Variants in CDH18 observed in about 807,000 individuals in gnomAD.
The protein encoded by CDH18 is cadherin 18.
Under a neutral mutation model 67.9 loss-of-function variants are expected in CDH18, and 31 were observed. The observed-to-expected ratio is 0.46, with a 90% CI of 0.34 to 0.62. The LOEUF (loss-of-function observed/expected upper bound fraction) is 0.62, where lower values mean the gene tolerates loss of function less well. Ranked by LOEUF, CDH18 falls within the 20% of genes least tolerant of loss-of-function variation. The probability of loss-of-function intolerance (pLI) is 0.01; values close to 1 mark genes in which losing one functional copy is unlikely to be tolerated. For synonymous variants in CDH18, 362 were observed against 347.2 expected, an observed-to-expected ratio of 1.04 and a Z score of -0.48; for missense variants, 890 against 975.5, an observed-to-expected ratio of 0.91 and a Z score of 1.17.
intron 2 of CDH18, among the ~76,000 whole-genome samples, chr5:19,926,134 A>G (rs999291092): frequency 6.6e-6 from 1 of 152,096 alleles, no homozygotes; most frequent in African/African-American, 2.4e-5. Context: ...TGTTCCATGT[A>G]TTTATTGAAA....
At chr5:20,123,389 G>A (rs1294372393) in intron 2 of CDH18, among the ~76,000 whole-genome samples, 1 of 152,150 alleles carries the variant, frequency 6.6e-6, no homozygotes, top group African/African-American at 2.4e-5. Flanking sequence ...AGGCAGGCCT[G>A]TACGTGAGGG....
chr5:20,243,165 T>C (rs1319217534), intron 2 of CDH18, among the ~76,000 whole-genome samples: 1 of 148,812 alleles, frequency 6.7e-6, no homozygotes, highest in South Asian at 2.1e-4. Flanking sequence ...TCTAGTTAGA[T>C]AGCCAGAATT....
intron 1 of CDH18, among the ~76,000 whole-genome samples, chr5:20,520,404 C>T (rs939423797): frequency 9.2e-5 from 14 of 151,922 alleles, no homozygotes; most frequent in Admixed American, 6.6e-5. Flanking sequence ...AATATGGAAA[C>T]GTTATGGTAG....
At chr5:19,796,273 A>G (rs933205816) in intron 3 of CDH18, among the ~76,000 whole-genome samples, 2 of 152,130 alleles carry the variant, frequency 1.3e-5, no homozygotes, top group African/African-American at 4.8e-5. Context: ...ACAAGATTTA[A>G]CATAATTAAT....
At chr5:20,507,260 T>C (rs10045603) in intron 1 of CDH18, among the ~76,000 whole-genome samples, 3,891 of 152,304 alleles carry the variant, frequency 0.026, 155 homozygotes, top group African/African-American at 0.089. Flanking sequence ...TGTTTCAACC[T>C]CTACGTTTTT....
intron 3 of CDH18, among the ~76,000 whole-genome samples, chr5:19,790,699 G>C (rs537209279): frequency 6.6e-6 from 1 of 152,110 alleles, no homozygotes; most frequent in Non-Finnish European, 1.5e-5. Context: ...ACAAGACCAG[G>C]TATCTGTTTA....
chr5:19,680,318 A>G (rs1164806940), intron 5 of CDH18, among the ~76,000 whole-genome samples: 1 of 152,104 alleles, frequency 6.6e-6, no homozygotes, highest in East Asian at 1.9e-4. Flanking sequence ...TAAAACTTTA[A>G]AAACCCTGGA....
intron 2 of CDH18, among the ~76,000 whole-genome samples, chr5:20,164,792 G>A (rs757372458): frequency 3.9e-5 from 6 of 152,120 alleles, no homozygotes; most frequent in South Asian, 2.1e-4. Flanking sequence ...AGTCCAAGTC[G>A]TTTACCTATT....
intron 1 of CDH18, among the ~76,000 whole-genome samples, chr5:20,348,265 G>C (rs184611431): frequency 1.7e-4 from 26 of 152,254 alleles, no homozygotes; most frequent in African/African-American, 5.8e-4. Context: ...TAACAACAAA[G>C]AGACATCCAT....
At chr5:20,400,890 T>C (rs1745709069) in intron 1 of CDH18, among the ~76,000 whole-genome samples, 1 of 152,208 alleles carries the variant, frequency 6.6e-6, no homozygotes, top group African/African-American at 2.4e-5. Context: ...TATAATTTTA[T>C]CCCTTGCACT....
intron 2 of CDH18, among the ~76,000 whole-genome samples, chr5:20,137,731 C>T (rs1749861429): frequency 1.3e-5 from 2 of 152,000 alleles, no homozygotes; most frequent in Admixed American, 6.6e-5. Context: ...TTTTATCTAC[C>T]TTTGGTCTTT....
At chr5:20,524,589 T>C (rs1755933619) in intron 1 of CDH18, among the ~76,000 whole-genome samples, 2 of 152,208 alleles carry the variant, frequency 1.3e-5, no homozygotes, top group South Asian at 4.1e-4. Flanking sequence ...TTTATATATG[T>C]AGGTATATGT....
rs1561848419 is a variant in CDH18, at chr5:20,172,209, T to TATATATAC, written c.-518+83234_-518+83235insGTATATAT. Among the ~76,000 whole-genome samples, 5 of 66,462 alleles carry TATATATAC rather than the reference T, an allele frequency of 7.5e-5. No individual in the cohort carries two copies. The East Asian group carries it at 1.8e-3, about 24-fold the overall frequency. 43.6% of individuals were successfully genotyped at this position (66,462 alleles called of 152,430 possible). A position where few individuals can be genotyped will look rare whatever the true frequency, so the allele number is the denominator to read the frequency against. ...TTGTGTGTATATATATATATATATATATATATATATATATGTATATATATA... is the reference window on the plus strand; with the variant it reads ...TTGTGTGTATATATATATATATATATATATATACATATATATATATATGTATATATATA... On this transcript the variant is annotated intron_variant, in intron 2 of 14. Transcript: ENST00000507958.
chr5:19,510,885 C>G (rs1428462694), intron 10 of CDH18, among the ~76,000 whole-genome samples: 1 of 151,442 alleles, frequency 6.6e-6, no homozygotes, highest in Non-Finnish European at 1.5e-5. Flanking sequence ...AATTTCAGCT[C>G]ACTACAACTT....
At chr5:19,857,311 A>G (rs1248308491) in intron 2 of CDH18, among the ~76,000 whole-genome samples, 2 of 152,142 alleles carry the variant, frequency 1.3e-5, no homozygotes, top group East Asian at 3.9e-4. Context: ...GAAAGCATAC[A>G]ATTTAAACAG....
At chr5:19,758,274 G>A (rs2088479) in intron 3 of CDH18, among the ~76,000 whole-genome samples, 145,247 of 152,288 alleles carry the variant, frequency 0.95, 69,537 homozygotes, top group East Asian at 1. Flanking sequence ...TTGGTGACAT[G>A]TAGTCAAATG....
intron 1 of CDH18, chr5:20,303,944 T>C (rs1736178959): frequency 2.9e-6 from 2 of 693,600 alleles, no homozygotes; most frequent in Non-Finnish European, 5.1e-6. Context: ...TTAAGTTATC[T>C]GTAAGTTCTT....
At chr5:19,800,889 C>T (rs1010775250) in intron 3 of CDH18, among the ~76,000 whole-genome samples, 4 of 152,092 alleles carry the variant, frequency 2.6e-5, no homozygotes, top group African/African-American at 9.7e-5. Flanking sequence ...GAGGCCGAGT[C>T]GGGCAGATTG....
chr5:19,793,533 T>C (rs958347171), intron 3 of CDH18, among the ~76,000 whole-genome samples: 1 of 152,080 alleles, frequency 6.6e-6, no homozygotes, highest in Non-Finnish European at 1.5e-5. Context: ...GAGTGAAACA[T>C]ACCACGGCTT....
Sources: allele counts gnomAD v4.1 joint callset (sites outside exome capture counted in the v4.1 genomes callset), GRCh38; gene constraint gnomAD v4.1.1; transcripts MANE v1.5; gene names NCBI Gene and HGNC (gene_info 2026-07-23, HGNC 2026-07-21).